Variants in B4GALNT2 observed in about 807,000 individuals in gnomAD.
The protein encoded by B4GALNT2 is beta-1,4-N-acetyl-galactosaminyltransferase 2 (SID blood group).
B4GALNT2 carries 42 observed loss-of-function variants against 51.1 expected under a neutral mutation model. That is an observed-to-expected ratio of 0.82 (90% CI 0.64 to 1.06). The LOEUF is 1.06. Ranked by LOEUF, B4GALNT2 falls within the 50% of genes least tolerant of loss-of-function variation. The pLI is 0.00. For missense variants in B4GALNT2, 602 were observed against 633.6 expected (o/e 0.95, Z 0.54); for synonymous variants, 253 against 251.7 (o/e 1.01, Z -0.05).
At chr17:49,140,226 G>T (rs1382841302) in intron 1 of B4GALNT2, among the ~76,000 whole-genome samples, 2 of 150,812 alleles carry the variant, frequency 1.3e-5, no homozygotes, top group South Asian at 4.2e-4. Flanking sequence ...TCAGCCTCCC[G>T]AGTAGCTGGG....
At position 49,164,143 on chromosome 17, in the gene B4GALNT2, C is replaced by A; in HGVS notation, c.822C>A (p.His274Gln). ...TIATKTFLRP[H>Q]KLMIMLRSIR... The stretch of plus-strand genomic sequence containing the variant: ...CTACCAAGACTTTCCTCCGCCCCCA[C>A]AAGCTCATGATCATGCTCCGGAGTA... Residue 274 changes from histidine (H) to glutamine (Q), a missense_variant, in exon 8 of 11, where the codon CAC (histidine) becomes CAA (glutamine). Transcript: ENST00000393354. The A allele has an allele frequency of 6.2e-7, 1 of 1,614,186 alleles. No homozygotes were observed. Among genetic ancestry groups the A allele is most frequent in the Non-Finnish European group, 8.5e-7 (1 of 1,180,006 alleles).
At chr17:49,131,703 G>A (rs1054795629), upstream of B4GALNT2, among the ~76,000 whole-genome samples, 2 of 151,994 alleles carry the variant, frequency 1.3e-5, no homozygotes, top group Non-Finnish European at 2.9e-5. Flanking sequence ...TAGAGATGGG[G>A]TTTCACTATG....
intron 8 of B4GALNT2, among the ~76,000 whole-genome samples, chr17:49,165,838 A>G (rs1185505509): frequency 1.3e-5 from 2 of 152,156 alleles, no homozygotes; most frequent in Non-Finnish European, 2.9e-5. Context: ...CAGCCAATTT[A>G]TATAGGCCAC....
chr17:49,134,331 T>C (rs1222922195), intron 1 of B4GALNT2, among the ~76,000 whole-genome samples: 2 of 152,250 alleles, frequency 1.3e-5, no homozygotes, highest in Non-Finnish European at 2.9e-5. Flanking sequence ...AGCATATACG[T>C]CTTCTCAAAC....
At chr17:49,144,733 A>G (rs535369152) in intron 3 of B4GALNT2, among the ~76,000 whole-genome samples, 9 of 152,166 alleles carry the variant, frequency 5.9e-5, no homozygotes, top group Non-Finnish European at 1.2e-4. Flanking sequence ...AACCCCATGT[A>G]TTAGTCAGGG....
chr17:49,126,496 T>TAAAAAAAA, the B4GALNT2 span, among the ~76,000 whole-genome samples: 1 of 118,820 alleles, frequency 8.4e-6, no homozygotes, highest in African/African-American at 3.2e-5. Flanking sequence ...GAATGATCAA[T>TAAAAAAAA]AAAAAAAAAA....
intron 1 of B4GALNT2, among the ~76,000 whole-genome samples, chr17:49,136,054 G>A (rs1271805233): frequency 6.7e-6 from 1 of 148,768 alleles, no homozygotes; most frequent in Non-Finnish European, 1.5e-5. Context: ...CTGCACTCCA[G>A]CCTGGGCAAC....
intron 5 of B4GALNT2, among the ~76,000 whole-genome samples, chr17:49,158,445 C>A (rs1018793985): frequency 6.6e-6 from 1 of 152,008 alleles, no homozygotes; most frequent in African/African-American, 2.4e-5. Flanking sequence ...ACCAGCCTGG[C>A]AAACACGGCG....
chr17:49,142,127 C>T lies in B4GALNT2; in HGVS notation c.308C>T (p.Ala103Val), dbSNP rs144833149. The T allele has an allele frequency of 6.2e-6, 10 of 1,613,912 alleles. No individual in the cohort carries two copies. The highest frequency in any genetic ancestry group is 1.6e-4 in the Middle Eastern group (1 of 6,084). Residue 103 changes from alanine (A) to valine (V), a missense_variant, in exon 3 of 11, where the codon GCG becomes GTG. By Grantham distance (64) the Ala-to-Val change is moderately conservative. Coordinates refer to ENST00000393354, the MANE Select transcript of B4GALNT2 (RefSeq NM_001159387.2). ...QDAYGQSDLP[A>V]VKARRQAEFE... ...GCCTATGGCCAGAGCGACCTCCCAG[C>T]GGTGAAAGCGAGGAGACAGGCTGAA...
intron 10 of B4GALNT2, 116 bp from the exon 11 acceptor site, chr17:49,169,407 C>A: frequency 2.1e-6 from 2 of 972,670 alleles, no homozygotes; most frequent in Non-Finnish European, 3.2e-6. Context: ...TGGGGCTGAA[C>A]CTCCCCAGTG....
the B4GALNT2 span, among the ~76,000 whole-genome samples, chr17:49,124,317 G>T: frequency 6.6e-6 from 1 of 152,118 alleles, no homozygotes; most frequent in Non-Finnish European, 1.5e-5. Context: ...TTATCAAAAA[G>T]CTGCATTCAA....
intron 9 of B4GALNT2, 76 bp from the exon 10 acceptor site, chr17:49,168,605 C>A: frequency 2.2e-6 from 3 of 1,359,512 alleles, no homozygotes; most frequent in Admixed American, 3.9e-5. Context: ...GAGGTGCAGT[C>A]CAGCGAGTCT....
At chr17:49,129,611 C>G (rs963633595), upstream of B4GALNT2, among the ~76,000 whole-genome samples, 1 of 115,800 alleles carries the variant, frequency 8.6e-6, no homozygotes, top group Non-Finnish European at 1.9e-5. Context: ...AGAGGGGCTT[C>G]TGGCCGATTT....
intron 1 of B4GALNT2, among the ~76,000 whole-genome samples, chr17:49,140,389 C>T (rs1465387039): frequency 6.6e-6 from 1 of 152,152 alleles, no homozygotes; most frequent in African/African-American, 2.4e-5. Flanking sequence ...CATGAGCCAC[C>T]ACACCCGGCA....
intron 9 of B4GALNT2, among the ~76,000 whole-genome samples, chr17:49,167,894 G>A (rs928899273): frequency 1.3e-5 from 2 of 152,106 alleles, no homozygotes; most frequent in African/African-American, 4.8e-5. Context: ...ACTGGTGTGA[G>A]CCACCACGCC....
chr17:49,120,372 G>C, the B4GALNT2 span, among the ~76,000 whole-genome samples: 763 of 152,264 alleles, frequency 5.0e-3, 3 homozygotes, highest in African/African-American at 0.018. Flanking sequence ...GACCTAGTCT[G>C]GTGGCTAGGA....
In B4GALNT2 at chr17:49,172,748, G is replaced by T. The variant is rs575698201; in HGVS notation, c.*3020G>T. The T allele has an allele frequency of 6.6e-6, 1 of 151,980 alleles. No homozygotes were observed. Among genetic ancestry groups the T allele is most frequent in the Admixed American group, 6.6e-5 (1 of 15,242 alleles). The allele number at this position is 151,980 out of a possible 1,614,324, so 9.4% of individuals were successfully genotyped here. On this transcript the variant is annotated 3_prime_UTR_variant, in exon 11 of 11. Transcript: ENST00000393354. ...AATAGAAGCTGGAATGCCCATCACC[G>T]CAAAACACTGCAAAAGGTGACGTTT...
At chr17:49,158,694 G>C (rs1436033510) in intron 5 of B4GALNT2, among the ~76,000 whole-genome samples, 3 of 150,934 alleles carry the variant, frequency 2.0e-5, no homozygotes, top group African/African-American at 7.3e-5. Flanking sequence ...TCCATTTGGA[G>C]ATATATAGAG....
At chr17:49,133,227 A>T (rs1184741723) in intron 1 of B4GALNT2, 7 of 1,478,446 alleles carry the variant, frequency 4.7e-6, no homozygotes, top group Non-Finnish European at 5.3e-6. Flanking sequence ...GGGGTATGTG[A>T]GTGCCCGGGC....
Sources: gnomAD v4.1 joint callset for allele counts (sites outside exome capture counted in the v4.1 genomes callset) on GRCh38, gnomAD v4.1.1 for gene constraint, MANE v1.5 for transcripts, NCBI Gene and HGNC (gene_info 2026-07-23, HGNC 2026-07-21) for gene names.